Variants in TRIM33 observed in about 807,000 individuals in gnomAD.
The protein encoded by TRIM33 is E3 ubiquitin-protein ligase TRIM33.
In TRIM33, 20 loss-of-function variants were observed where a neutral mutation model predicts 125.4. The observed-to-expected ratio is 0.16, with a 90% CI of 0.11 to 0.23. The LOEUF (loss-of-function observed/expected upper bound fraction) is 0.23. TRIM33 is among the 10% of genes least tolerant of loss of function. The pLI, the probability that TRIM33 is intolerant of heterozygous loss-of-function variation, is 1.00. For missense variants in TRIM33, 920 were observed against 1,411.4 expected (o/e 0.65, Z 5.58); for synonymous variants, 564 against 513.9 (o/e 1.10, Z -1.32).
intron 10 of TRIM33, among the ~76,000 whole-genome samples, chr1:114,423,571 T>A (rs1198762811): frequency 6.6e-6 from 1 of 152,098 alleles, no homozygotes; most frequent in African/African-American, 2.4e-5. Flanking sequence ...CTTTCTTTTT[T>A]TTTTGTTAAA....
In TRIM33 at chr1:114,405,714, G is replaced by A; in HGVS notation, c.2464C>T (p.Leu822=). Residue 822 remains leucine (L), a synonymous_variant, in exon 15 of 20, where the codon CTG becomes TTG. Coordinates refer to ENST00000358465, the MANE Select transcript of TRIM33 (RefSeq NM_015906.4). ...SSLTPPLSTN[L]HLESELDALA... is the part of the protein sequence containing the mutation. ...GCATCCAATTCACTTTCTAGATGCA[G>A]GTTGGTTGAGAGAGGTGGTGTCAAG... The A allele has an allele frequency of 6.2e-7, 1 of 1,614,166 alleles. No homozygotes were observed. The highest frequency in any genetic ancestry group is 8.5e-7 in the Non-Finnish European group (1 of 1,180,010).
intron 1 of TRIM33, among the ~76,000 whole-genome samples, chr1:114,494,457 T>G (rs1652251058): frequency 1.3e-5 from 2 of 152,168 alleles, no homozygotes; most frequent in African/African-American, 2.4e-5. Flanking sequence ...TATTTAACTT[T>G]TCAACCAGTG....
At chr1:114,492,440 C>T (rs74651016) in intron 1 of TRIM33, among the ~76,000 whole-genome samples, 3,926 of 152,150 alleles carry the variant, frequency 0.026, 87 homozygotes, top group Non-Finnish European at 0.034. Flanking sequence ...ATGGCATTAA[C>T]TACATTCAAC....
chr1:114,458,077 C>A lies in TRIM33; in HGVS notation c.923+5027G>T, dbSNP rs186806144. Among the ~76,000 whole-genome samples the A allele has an allele frequency of 4.6e-3, 696 of 152,326 alleles. 1 individual carries two copies. Among genetic ancestry groups the A allele is most frequent in the Non-Finnish European group, 6.9e-3 (466 of 68,020 alleles). On this transcript the variant is annotated intron_variant, in intron 4 of 19. Coordinates refer to ENST00000358465, the MANE Select transcript of TRIM33 (RefSeq NM_015906.4). Reference sequence around the variant, plus strand: ...TTGCTCATTCCCATATGTGGGCCAACCTAACTATGGGAGGAATTTATTTTA... The same window carrying A: ...TTGCTCATTCCCATATGTGGGCCAAACTAACTATGGGAGGAATTTATTTTA...
Position 114,511,175 on chromosome 1 carries a change from G to T in TRIM33, c.-99C>A, listed in dbSNP as rs939013074. 2.1e-5 allele frequency: 21 copies of T among 1,015,984 alleles called. No homozygotes were observed. The highest frequency in any genetic ancestry group is 2.5e-5 in the Non-Finnish European group (21 of 843,664). 62.9% of individuals were successfully genotyped at this position (1,015,984 alleles called of 1,614,324 possible). On this transcript the variant is annotated 5_prime_UTR_variant, in exon 1 of 20. Transcript: ENST00000358465. ...CCCAGCCGCAGCCGCAGCAAGAGCG[G>T]CAGCCGAGAGCTAGCGAGAGAGCGA...
At position 114,394,053 on chromosome 1, in the gene TRIM33, C is replaced by A; in HGVS notation, c.*3595G>T. On this transcript the variant is annotated 3_prime_UTR_variant, in exon 20 of 20. Transcript: ENST00000358465. ...TCCGGTACATGATCAAACTGTATTA[C>A]ACCTTGAAAATCTTGAGTCACCTTC... The A allele has an allele frequency of 4.4e-6, 1 of 226,926 alleles. No individual in the cohort carries two copies. The highest frequency in any genetic ancestry group is 8.8e-6 in the Non-Finnish European group (1 of 113,894). The allele number at this position is 226,926 out of a possible 1,614,324, so 14.1% of individuals were successfully genotyped here.
chr1:114,473,247 ACT>A (rs1224614933), intron 1 of TRIM33, among the ~76,000 whole-genome samples: 4 of 143,670 alleles, frequency 2.8e-5, no homozygotes, highest in Admixed American at 1.4e-4. Context: ...CCAGAGCGAG[ACT>A]CTGTCTCAAA....
intron 1 of TRIM33, among the ~76,000 whole-genome samples, chr1:114,508,817 T>G (rs1653159133): frequency 6.6e-6 from 1 of 152,208 alleles, no homozygotes; most frequent in South Asian, 2.1e-4. Flanking sequence ...CACGTACTAA[T>G]CACTTTACAC....
At position 114,433,721 on chromosome 1, in the gene TRIM33, C is replaced by T; in HGVS notation, c.936G>A (p.Leu312=). 1 of 1,601,946 alleles carries T rather than the reference C, an allele frequency of 6.2e-7. No homozygotes were observed. The highest frequency in any genetic ancestry group is 8.5e-7 in the Non-Finnish European group (1 of 1,173,690). ...LEHKEHRYQF[L]EEAFQNQKGA... is the part of the protein sequence containing the mutation. ...CCTTCTGATTTTGAAAAGCTTCTTC[C>T]AAAAACTGATACCTTAAAACCAAAA... The change falls in exon 5 of 20, where the codon TTG becomes TTA. Residue 312 remains leucine (L), a synonymous_variant. Transcript: ENST00000358465.
rs1169193080 is a variant in TRIM33 at position 114,393,251 on chromosome 1, A to T, written c.*4397T>A. ...AATTAACAGGCTTTCAAATTGCACA[A>T]ATCTTTTTTTATAGGCTTATGTATA... is the stretch of plus-strand genomic sequence containing the variant. On this transcript the variant is annotated 3_prime_UTR_variant, in exon 20 of 20. Transcript: ENST00000358465. 4.8e-6 allele frequency: 1 copy of T among 208,010 alleles called. No homozygotes were observed. The highest frequency in any genetic ancestry group is 5.9e-5 in the Admixed American group (1 of 16,850). The allele number at this position is 208,010 out of a possible 1,614,324, so 12.9% of individuals were successfully genotyped here.
chr1:114,432,911 T>C (rs1648054802), intron 5 of TRIM33, among the ~76,000 whole-genome samples: 1 of 152,250 alleles, frequency 6.6e-6, no homozygotes, highest in East Asian at 1.9e-4. Context: ...TAATATTCAT[T>C]AGAAGTCCTA....
At chr1:114,493,101 G>A (rs1178239194) in intron 1 of TRIM33, among the ~76,000 whole-genome samples, 7 of 152,180 alleles carry the variant, frequency 4.6e-5, no homozygotes. Flanking sequence ...CCTAGCAGGT[G>A]TGAAGTGGTA....
intron 10 of TRIM33, among the ~76,000 whole-genome samples, chr1:114,422,495 G>GA (rs59284343): frequency 0.28 from 42,598 of 149,532 alleles, 6,505 homozygotes; most frequent in African/African-American, 0.39. Flanking sequence ...TCTTTAAAAA[G>GA]AAAAAAAAAA....
At chr1:114,455,450 T>G (rs964103056) in intron 4 of TRIM33, among the ~76,000 whole-genome samples, 1 of 152,218 alleles carries the variant, frequency 6.6e-6, no homozygotes, top group Non-Finnish European at 1.5e-5. Flanking sequence ...GTAACCTTAC[T>G]GCTGTAAAAT....
In TRIM33 at chr1:114,418,220, C is replaced by A. The variant is rs1653056361; in HGVS notation, c.2061+3216G>T. Among the ~76,000 whole-genome samples, 3 of 152,142 alleles carry A rather than the reference C, an allele frequency of 2.0e-5. No individual in the cohort carries two copies. The South Asian group carries it at 6.2e-4, about 32-fold the overall frequency. On this transcript the variant is annotated intron_variant, in intron 11 of 19. Transcript: ENST00000358465. ...CAGAGGAAACTGCCACTTTAAAAACCATCAGATCTTGTGAGAACAGCATGA... is the reference window on the plus strand; with the variant it reads ...CAGAGGAAACTGCCACTTTAAAAACAATCAGATCTTGTGAGAACAGCATGA...
chr1:114,424,011 T>A (rs187400364), intron 10 of TRIM33, among the ~76,000 whole-genome samples: 1 of 152,008 alleles, frequency 6.6e-6, no homozygotes, highest in East Asian at 1.9e-4. Flanking sequence ...AGAAATCCTA[T>A]GAAAAAGTGG....
At chr1:114,500,139 C>T (rs927247936) in intron 1 of TRIM33, among the ~76,000 whole-genome samples, 2 of 152,156 alleles carry the variant, frequency 1.3e-5, no homozygotes, top group African/African-American at 4.8e-5. Flanking sequence ...TGCACTCCAG[C>T]CTGGGCAACA....
At chr1:114,480,863 A>G (rs1472593678) in intron 1 of TRIM33, among the ~76,000 whole-genome samples, 1 of 152,196 alleles carries the variant, frequency 6.6e-6, no homozygotes, top group Non-Finnish European at 1.5e-5. Flanking sequence ...AAATAGGGAT[A>G]AAGTAAAAGG....
At chr1:114,401,028 CTTT>C (rs944429313) in intron 17 of TRIM33, among the ~76,000 whole-genome samples, 26 of 142,448 alleles carry the variant, frequency 1.8e-4, no homozygotes, top group Non-Finnish European at 3.5e-4. Context: ...AGGCCATACT[CTTT>C]TTTTTTTTTT....
Sources: gnomAD v4.1 joint callset for allele counts (sites outside exome capture counted in the v4.1 genomes callset) on GRCh38, gnomAD v4.1.1 for gene constraint, MANE v1.5 for transcripts, NCBI Gene and HGNC (gene_info 2026-07-23, HGNC 2026-07-21) for gene names.